CCDC160: variants seen among roughly 807,000 people sequenced by gnomAD.
CCDC160 encodes coiled-coil domain containing 160.
For missense variants in CCDC160, 227 were observed against 215.6 expected (o/e 1.05, Z -0.33); for synonymous variants, 94 against 79.4 (o/e 1.18, Z -0.98).
downstream of CCDC160, among the ~76,000 whole-genome samples, chrX:134,246,700 G>A (rs2077044139): frequency 9.0e-6 from 1 of 111,628 alleles, no homozygotes; most frequent in African/African-American, 3.2e-5. Flanking sequence ...TGGTAAAAAT[G>A]TACTGCCTCA....
At chrX:134,242,588 C>CATGTGTGCATATGTGT (rs1491339684) in intron 1 of CCDC160, among the ~76,000 whole-genome samples, 3 of 108,183 alleles carry the variant, frequency 2.8e-5, no homozygotes, top group African/African-American at 1.0e-4. Context: ...TGTGTGTGTG[C>CATGTGTGCATATGTGT]ATGTGTGCAT....
chrX:134,240,335 G>A (rs1402781986), intron 1 of CCDC160, among the ~76,000 whole-genome samples: 1 of 112,006 alleles, frequency 8.9e-6, no homozygotes, highest in African/African-American at 3.2e-5. Context: ...AGAATAAGGG[G>A]AGAAAGTTCT....
At position 134,245,031 on chromosome X, in the gene CCDC160, AAATTT is replaced by A; in HGVS notation, c.234_238del (p.Asn78LysfsTer11). 8.5e-7 allele frequency: 1 copy of A among 1,180,012 alleles called. No individual in the cohort carries two copies. The highest frequency in any genetic ancestry group is 1.1e-6 in the Non-Finnish European group (1 of 878,434). On this transcript the variant is annotated frameshift_variant, in exon 2 of 2. Coordinates refer to ENST00000370809, the Ensembl canonical transcript of CCDC160. LOFTEE classifies it low-confidence loss of function (END_TRUNC). ...AACTAAATGAAATAGAACAAGAACA[AAATTT>A]AAGAGAGAACAAGAGAAACATTTCA...
chrX:134,245,626 G>T lies in CCDC160; in HGVS notation c.826G>T (p.Gly276Ter). 1 of 1,209,496 alleles carries T rather than the reference G, an allele frequency of 8.3e-7. No individual in the cohort carries two copies. The highest frequency in any genetic ancestry group is 1.1e-6 in the Non-Finnish European group (1 of 894,462). Residue 276 changes from glycine to a stop codon, truncating the protein, a stop_gained, in exon 2 of 2, where the codon GGA becomes TGA. Transcript: ENST00000370809. LOFTEE classifies it low-confidence loss of function (END_TRUNC). Reference sequence around the variant, plus strand: ...TGAATTAGAAATGGCAAAGATCCGCGGAGAGCTCAGTGTCATCAAGAATGA... The same window carrying T: ...TGAATTAGAAATGGCAAAGATCCGCTGAGAGCTCAGTGTCATCAAGAATGA...
chrX:134,246,428 T>C (rs2077043413), downstream of CCDC160, among the ~76,000 whole-genome samples: 1 of 111,884 alleles, frequency 8.9e-6, no homozygotes. Flanking sequence ...GCTGTGACCT[T>C]TTGCTAGAGC....
intron 1 of CCDC160, among the ~76,000 whole-genome samples, chrX:134,238,125 C>A (rs765935701): frequency 9.0e-6 from 1 of 111,364 alleles, no homozygotes. Flanking sequence ...CGGTTCCTGG[C>A]GTGCTCATTA....
intron 1 of CCDC160, 140 bp downstream of exon 1, chrX:134,237,483 T>A (rs1034606417): frequency 8.9e-6 from 1 of 112,341 alleles, no homozygotes; most frequent in East Asian, 2.9e-4. Context: ...TTTCTGTCCT[T>A]AGAGCCCCAG....
chrX:134,244,633 C>A, intron 1 of CCDC160, 144 bp from the exon 3 acceptor site: 1 of 495,278 alleles, frequency 2.0e-6, no homozygotes, highest in Non-Finnish European at 3.1e-6. Flanking sequence ...GACTGAGGCC[C>A]AAGCCATTCA....
exon 2 of CCDC160, chrX:134,245,769 T>C: frequency 1.8e-6 from 2 of 1,111,575 alleles, no homozygotes; most frequent in South Asian, 4.8e-5. Context: ...TTACTGGGGA[T>C]TTTTTTTAAA....
intron 1 of CCDC160, among the ~76,000 whole-genome samples, chrX:134,242,307 C>G (rs2077029799): frequency 9.0e-6 from 1 of 111,337 alleles, no homozygotes; most frequent in Admixed American, 9.6e-5. Flanking sequence ...GAGTTGTTTT[C>G]TTTCAATATG....
intron 1 of CCDC160, among the ~76,000 whole-genome samples, chrX:134,242,838 G>C (rs1358899540): frequency 9.0e-6 from 1 of 110,882 alleles, no homozygotes; most frequent in Non-Finnish European, 1.9e-5. Context: ...AATTAAGTAA[G>C]AGGAATAGTA....
At chrX:134,237,199 T>C (rs1325462669) in exon 1 of CCDC160, 1 of 113,493 alleles carries the variant, frequency 8.8e-6, no homozygotes, top group Non-Finnish European at 1.9e-5. Context: ...CGGCCCGCGC[T>C]GGCGCTGCAC....
At chrX:134,245,241 G>A in exon 2 of CCDC160, 4 of 1,192,469 alleles carry the variant, frequency 3.4e-6, no homozygotes, top group Non-Finnish European at 4.5e-6. Context: ...AACTTTGCCT[G>A]AATCTTTTGA....
intron 1 of CCDC160, among the ~76,000 whole-genome samples, chrX:134,240,905 G>C (rs1176322451): frequency 9.3e-6 from 1 of 107,690 alleles, no homozygotes; most frequent in East Asian, 2.9e-4. Context: ...TTGAACTCCT[G>C]ACATCAAGTT....
chrX:134,240,421 G>A (rs2124125888), intron 1 of CCDC160, among the ~76,000 whole-genome samples: 1 of 111,429 alleles, frequency 9.0e-6, no homozygotes, highest in African/African-American at 3.3e-5. Context: ...CTTGTTGAGA[G>A]CTACTAAGCG....
chrX:134,239,810 G>C (rs2077021590), intron 1 of CCDC160, among the ~76,000 whole-genome samples: 1 of 111,601 alleles, frequency 9.0e-6, no homozygotes, highest in Admixed American at 9.6e-5. Flanking sequence ...TTAATCACCT[G>C]TGAAACAGGT....
At chrX:134,238,233 T>C (rs2077016474) in intron 1 of CCDC160, among the ~76,000 whole-genome samples, 1 of 110,943 alleles carries the variant, frequency 9.0e-6, no homozygotes, top group Admixed American at 9.6e-5. Flanking sequence ...CCATTTGATA[T>C]CTGTATGGCT....
chrX:134,239,244 G>C lies in CCDC160; in HGVS notation c.-25+1901G>C, dbSNP rs997149666. ...CATCATAGCATATTTGTATAATAAA[G>C]GTCTGTGTGAAATGCCACAGAAGCA... On this transcript the variant is annotated intron_variant, in intron 1 of 1. Coordinates refer to ENST00000370809, the Ensembl canonical transcript of CCDC160. Among the ~76,000 whole-genome samples, 38 of 111,879 alleles carry C rather than the reference G, an allele frequency of 3.4e-4. 1 individual carries two copies. The highest frequency in any genetic ancestry group is 1.2e-3 in the African/African-American group (38 of 30,863).
rs777434760 is a variant in CCDC160, at chrX:134,245,617, A to G, written c.817A>G (p.Lys273Glu). The change falls in exon 2 of 2, where the codon AAG becomes GAG. Residue 273 changes from lysine (K) to glutamate (E), a missense_variant. Transcript: ENST00000370809. ...ATCATATTATGAATTAGAAATGGCAAAGATCCGCGGAGAGCTCAGTGTCAT... is the reference window on the plus strand; with the variant it reads ...ATCATATTATGAATTAGAAATGGCAGAGATCCGCGGAGAGCTCAGTGTCAT... 5.0e-6 allele frequency: 6 copies of G among 1,207,635 alleles called. No individual in the cohort carries two copies. In the East Asian group the frequency reaches 8.9e-5, roughly 18 times the overall value.
Sources: allele counts gnomAD v4.1 joint callset (sites outside exome capture counted in the v4.1 genomes callset), GRCh38; gene constraint gnomAD v4.1.1; transcripts MANE v1.5; gene names NCBI Gene and HGNC (gene_info 2026-07-23, HGNC 2026-07-21).